CNTNAP2: variants seen among roughly 807,000 people sequenced by gnomAD.
CNTNAP2 encodes the protein contactin-associated protein-like 2.
Under a neutral mutation model 155.2 loss-of-function variants are expected in CNTNAP2, and 98 were observed. The observed-to-expected ratio is 0.63, with a 90% confidence interval of 0.54 to 0.75. The LOEUF (loss-of-function observed/expected upper bound fraction) is 0.75. Ranked by LOEUF, CNTNAP2 falls within the 30% of genes least tolerant of loss-of-function variation. The probability of loss-of-function intolerance (pLI) is 0.00; values close to 1 mark genes in which losing one functional copy is unlikely to be tolerated. For synonymous variants in CNTNAP2, 651 were observed against 631.2 expected (o/e 1.03, Z -0.47); for missense variants, 1,727 against 1,688.1 (o/e 1.02, Z -0.40).
chr7:147,313,226 G>A lies in CNTNAP2; in HGVS notation c.1498+12936G>A, dbSNP rs1285816689. On this transcript the variant is annotated intron_variant, in intron 9 of 23. Coordinates refer to ENST00000361727, the MANE Select transcript of CNTNAP2 (RefSeq NM_014141.6). ...ACTTTGTAGGTTCCCATCCCACTCT[G>A]CTGGTAGTTTCTTTTGCTGTGCAGA... is the stretch of plus-strand genomic sequence containing the variant. 5.9e-5 allele frequency among the ~76,000 whole-genome samples: 9 copies of A among 152,106 alleles called. No homozygotes were observed. In the East Asian group the frequency reaches 1.7e-3, roughly 29 times the overall value.
At chr7:148,092,582 A>G (rs1803866471) in intron 15 of CNTNAP2, among the ~76,000 whole-genome samples, 2 of 152,170 alleles carry the variant, frequency 1.3e-5, no homozygotes, top group African/African-American at 4.8e-5. Context: ...GGCTAGTCCG[A>G]AGCCTAGTGG....
chr7:146,925,170 GA>G (rs1280047428), intron 3 of CNTNAP2, among the ~76,000 whole-genome samples: 1 of 151,730 alleles, frequency 6.6e-6, no homozygotes, highest in Non-Finnish European at 1.5e-5. Context: ...TTTTTTTTCT[GA>G]AAATAATGAG....
chr7:146,955,681 T>C (rs534051494), intron 3 of CNTNAP2, among the ~76,000 whole-genome samples: 4 of 152,158 alleles, frequency 2.6e-5, no homozygotes, highest in Non-Finnish European at 4.4e-5. Flanking sequence ...TTACAATTAT[T>C]ATTTTAAAAT....
chr7:146,200,003 A>C (rs533630795), intron 1 of CNTNAP2, among the ~76,000 whole-genome samples: 1 of 152,334 alleles, frequency 6.6e-6, no homozygotes, highest in African/African-American at 2.4e-5. Flanking sequence ...TCCGAAAATT[A>C]GTTCTAAGGA....
At chr7:146,679,828 T>G (rs2129169656) in intron 1 of CNTNAP2, among the ~76,000 whole-genome samples, 1 of 152,320 alleles carries the variant, frequency 6.6e-6, no homozygotes, top group South Asian at 2.1e-4. Flanking sequence ...TTGATGGGAC[T>G]TTTACAGTTT....
At chr7:146,383,205 GC>G (rs1195127412) in intron 1 of CNTNAP2, among the ~76,000 whole-genome samples, 2 of 152,134 alleles carry the variant, frequency 1.3e-5, no homozygotes, top group Non-Finnish European at 2.9e-5. Flanking sequence ...TTTTAAGGAA[GC>G]CATCAGTATC....
intron 13 of CNTNAP2, among the ~76,000 whole-genome samples, chr7:147,709,053 C>T (rs941671860): frequency 1.3e-5 from 2 of 152,134 alleles, no homozygotes; most frequent in African/African-American, 4.8e-5. Flanking sequence ...AAAAACGACC[C>T]ACCGCATAGC....
At chr7:147,931,882 T>TATTC (rs1411334597) in intron 14 of CNTNAP2, among the ~76,000 whole-genome samples, 1 of 152,016 alleles carries the variant, frequency 6.6e-6, no homozygotes, top group African/African-American at 2.4e-5. Flanking sequence ...TATTTTATTT[T>TATTC]ATTTATTTAT....
intron 1 of CNTNAP2, among the ~76,000 whole-genome samples, chr7:146,174,640 C>T (rs1414931168): frequency 2.6e-5 from 4 of 151,896 alleles, no homozygotes; most frequent in African/African-American, 9.7e-5. Context: ...AAGTTCAAGA[C>T]CAGCCTGGCC....
chr7:146,262,715 T>C (rs982148694), intron 1 of CNTNAP2, among the ~76,000 whole-genome samples: 8 of 152,304 alleles, frequency 5.3e-5, no homozygotes, highest in Middle Eastern at 3.4e-3. Context: ...TGAGGGGAAG[T>C]TGGGGTTAAG....
chr7:146,696,305 G>A (rs1349004657), intron 1 of CNTNAP2, among the ~76,000 whole-genome samples: 3 of 152,116 alleles, frequency 2.0e-5, no homozygotes, highest in Non-Finnish European at 2.9e-5. Flanking sequence ...TATCAAATCT[G>A]TAAGCATGAA....
Position 146,246,246 on chromosome 7 carries a change from C to T in CNTNAP2, c.97+129273C>T, listed in dbSNP as rs1171014232. On this transcript the variant is annotated intron_variant, in intron 1 of 23. Coordinates refer to ENST00000361727, the MANE Select transcript of CNTNAP2 (RefSeq NM_014141.6). ...ACTTGTGGGTTAAGGTGGGGTAATACAAGAGGAGGACGCAAAGGAGGCTTT... is the reference window on the plus strand; with the variant it reads ...ACTTGTGGGTTAAGGTGGGGTAATATAAGAGGAGGACGCAAAGGAGGCTTT... 1.3e-5 allele frequency among the ~76,000 whole-genome samples: 2 copies of T among 149,924 alleles called. 1 individual carries two copies. Among genetic ancestry groups the T allele is most frequent in the Non-Finnish European group, 3.0e-5 (2 of 67,752 alleles).
intron 1 of CNTNAP2, among the ~76,000 whole-genome samples, chr7:146,540,431 T>G (rs1342132282): frequency 6.6e-6 from 1 of 152,020 alleles, no homozygotes; most frequent in Admixed American, 6.6e-5. Flanking sequence ...AAGCTGAAAC[T>G]GGAATTACAT....
chr7:147,647,091 G>A (rs1795377617), intron 13 of CNTNAP2, among the ~76,000 whole-genome samples: 1 of 151,382 alleles, frequency 6.6e-6, no homozygotes, highest in South Asian at 2.1e-4. Flanking sequence ...AGTGATTCGT[G>A]ATTCTCCTGC....
At chr7:147,058,688 C>A (rs1031110403) in intron 4 of CNTNAP2, among the ~76,000 whole-genome samples, 1 of 146,932 alleles carries the variant, frequency 6.8e-6, no homozygotes, top group African/African-American at 2.4e-5. Flanking sequence ...CTCACTGCAA[C>A]CTCTGCCTCC....
chr7:146,638,752 T>C (rs1158972412), intron 1 of CNTNAP2, among the ~76,000 whole-genome samples: 1 of 152,032 alleles, frequency 6.6e-6, no homozygotes. Context: ...CCCAAAGTGT[T>C]GGGATTACAG....
intron 21 of CNTNAP2, among the ~76,000 whole-genome samples, chr7:148,297,866 T>C (rs1797312390): frequency 6.6e-6 from 1 of 152,134 alleles, no homozygotes; most frequent in South Asian, 2.1e-4. Flanking sequence ...CCTTGTCTGA[T>C]GTTGAGTTCT....
intron 13 of CNTNAP2, among the ~76,000 whole-genome samples, chr7:147,681,200 C>G (rs192298951): frequency 6.6e-6 from 1 of 151,848 alleles, no homozygotes; most frequent in Non-Finnish European, 1.5e-5. Flanking sequence ...AGAAATAGAA[C>G]GGATTTGGAA....
At chr7:146,522,020 A>C (rs801968) in intron 1 of CNTNAP2, among the ~76,000 whole-genome samples, 4,315 of 152,092 alleles carry the variant, frequency 0.028, 201 homozygotes, top group African/African-American at 0.098. Flanking sequence ...ATTTTGCTTA[A>C]TGGAGCACAT....
Sources: allele counts gnomAD v4.1 joint callset (sites outside exome capture counted in the v4.1 genomes callset), GRCh38; gene constraint gnomAD v4.1.1; transcripts MANE v1.5; gene names NCBI Gene and HGNC (gene_info 2026-07-23, HGNC 2026-07-21).